The following ZNF233 variants were observed in gnomAD, a reference collection of about 807,000 sequenced individuals.
The protein encoded by ZNF233 is zinc finger protein 233.
In ZNF233, 7 loss-of-function variants were observed where a neutral mutation model predicts 11.6. The observed-to-expected ratio is 0.60, with a 90% confidence interval of 0.34 to 1.13. ZNF233 has a LOEUF of 1.13. ZNF233 is among the 50% of genes most tolerant of loss of function. ZNF233 has a pLI of 0.03. For missense variants in ZNF233, 711 were observed against 785.5 expected, an observed-to-expected ratio of 0.91 and a Z score of 1.13; for synonymous variants, 226 against 268.5, an observed-to-expected ratio of 0.84 and a Z score of 1.55.
chr19:44,270,463 A>T (rs192913053), intron 4 of ZNF233, among the ~76,000 whole-genome samples: 91 of 152,152 alleles, frequency 6.0e-4, no homozygotes, highest in African/African-American at 2.0e-3. Context: ...AGAGGTTGCA[A>T]TGAGCTGATA....
At chr19:44,272,842 C>T in intron 4 of ZNF233, 57 bp from the exon 5 acceptor site, 1 of 1,255,664 alleles carries the variant, frequency 8.0e-7, no homozygotes, top group Non-Finnish European at 1.1e-6. Context: ...TTTTTTATTT[C>T]TGAACAAATG....
intron 4 of ZNF233, chr19:44,267,548 GTT>G (rs34337187): frequency 2.4e-4 from 84 of 354,620 alleles, no homozygotes; most frequent in East Asian, 4.9e-4. Flanking sequence ...ATATATACAT[GTT>G]TTTTTTTTTT....
At position 44,266,047 on chromosome 19, in the gene ZNF233, G is replaced by A; in HGVS notation, c.16-151G>A. 2.8e-6 allele frequency: 2 copies of A among 719,048 alleles called. 1 individual carries two copies. Among genetic ancestry groups the A allele is most frequent in the South Asian group, 5.7e-5 (2 of 34,900 alleles). The allele number at this position is 719,048 out of a possible 1,614,324, so 44.5% of individuals were successfully genotyped here. A position where few individuals can be genotyped will look rare whatever the true frequency, so the allele number is the denominator to read the frequency against. On this transcript the variant is annotated intron_variant, in intron 2 of 4. Transcript: ENST00000683810. ...AGTAGTCTATGAGATTGGCATGTGG[G>A]ATGGAGAAAACGAGGAAGCTACTTA...
At chr19:44,268,192 A>T (rs1168583042) in intron 4 of ZNF233, 2 of 152,126 alleles carry the variant, frequency 1.3e-5, no homozygotes, top group African/African-American at 4.8e-5. Flanking sequence ...ACATTTAATT[A>T]AATTAAATAC....
chr19:44,273,722 C>G lies in ZNF233; in HGVS notation c.1062C>G (p.Asn354Lys). 1.2e-6 allele frequency: 2 copies of G among 1,614,176 alleles called. No homozygotes were observed. Among genetic ancestry groups the G allele is most frequent in the South Asian group, 2.2e-5 (2 of 91,078 alleles). ...TATATGCCCGGAGCTCCAACCAGAA[C>G]TCCTGTCTTCCCTCTCATGAGCTTA... ...CQVYARSSNQNSCLPSHELTH... is the reference protein window; with the variant it reads ...CQVYARSSNQKSCLPSHELTH... Residue 354 changes from asparagine (N) to lysine (K), a missense_variant, in exon 5 of 5, where the codon AAC (asparagine) becomes AAG (lysine). Transcript: ENST00000683810.
intron 4 of ZNF233, 76 bp downstream of exon 4, chr19:44,267,037 G>C (rs187299184): frequency 8.5e-7 from 1 of 1,169,660 alleles, no homozygotes; most frequent in African/African-American, 1.5e-5. Context: ...TCAGCCACCA[G>C]CCTGGCCCAA....
At chr19:44,272,627 C>T (rs1448783148) in intron 4 of ZNF233, among the ~76,000 whole-genome samples, 1 of 151,626 alleles carries the variant, frequency 6.6e-6, no homozygotes, top group African/African-American at 2.4e-5. Context: ...CCCAGCTACT[C>T]GGGAGGCCGA....
At chr19:44,272,327 C>A (rs1599878132) in intron 4 of ZNF233, among the ~76,000 whole-genome samples, 2 of 127,738 alleles carry the variant, frequency 1.6e-5, no homozygotes, top group Non-Finnish European at 3.2e-5. Flanking sequence ...TTACATTGTA[C>A]AACCTGCAGT....
At chr19:44,261,300 C>T (rs1974929851) in intron 1 of ZNF233, among the ~76,000 whole-genome samples, 1 of 151,872 alleles carries the variant, frequency 6.6e-6, no homozygotes, top group South Asian at 2.1e-4. Context: ...ATTAGCCACA[C>T]ACCTGTGGTC....
At chr19:44,264,254 C>A in intron 1 of ZNF233, 60 bp from the exon 2 acceptor site, 2 of 1,152,656 alleles carry the variant, frequency 1.7e-6, no homozygotes, top group Non-Finnish European at 2.6e-6. Context: ...TTTAAAAATT[C>A]AGCCAGCACA....
chr19:44,274,758 C>A lies in ZNF233; in HGVS notation c.*85C>A, dbSNP rs1047474794. On this transcript the variant is annotated 3_prime_UTR_variant, in exon 5 of 5. Coordinates refer to ENST00000683810, the MANE Select transcript of ZNF233 (RefSeq NM_001207005.2). ...TCCCATTTTCCTCAGAAAATCCACA[C>A]AGCACAGAATATTTATAAAATGTCA... 23 of 1,037,958 alleles carry A rather than the reference C, an allele frequency of 2.2e-5. No homozygotes were observed. The highest frequency in any genetic ancestry group is 1.8e-4 in the African/African-American group (11 of 61,160). 64.3% of individuals were successfully genotyped at this position (1,037,958 alleles called of 1,614,324 possible).
intron 4 of ZNF233, among the ~76,000 whole-genome samples, chr19:44,271,713 T>A (rs1012578015): frequency 6.6e-6 from 1 of 151,174 alleles, no homozygotes; most frequent in Non-Finnish European, 1.5e-5. Context: ...GGTTTCACCA[T>A]GTTAGCCAGG....
intron 4 of ZNF233, among the ~76,000 whole-genome samples, chr19:44,272,092 G>A (rs1975250832): frequency 6.6e-6 from 1 of 151,234 alleles, no homozygotes; most frequent in African/African-American, 2.4e-5. Context: ...ATGAGGTGTG[G>A]TGGCATGCAC....
Position 44,273,436 on chromosome 19 carries a change from C to T in ZNF233, c.776C>T (p.Thr259Ile), listed in dbSNP as rs912651514. The T allele has an allele frequency of 1.4e-5, 22 of 1,614,056 alleles. No homozygotes were observed. In the African/African-American group the frequency reaches 2.5e-4, roughly 19 times the overall value. ...QHSIIQSGEQ[T>I]SDENGKGLSV... The stretch of plus-strand genomic sequence containing the variant: ...AGCATAATCCAATCAGGAGAGCAAA[C>T]CTCTGATGAAAATGGAAAAGGCTTA... Residue 259 changes from threonine to isoleucine, a missense_variant, in exon 5 of 5, where the codon ACC becomes ATC. Physicochemically the swap from Thr to Ile is moderately conservative, Grantham distance 89. Transcript: ENST00000683810.
rs146745646 is a variant in ZNF233 at position 44,274,307 on chromosome 19, G to A, written c.1647G>A (p.Ser549=). 1.3e-5 allele frequency: 21 copies of A among 1,612,702 alleles called. No individual in the cohort carries two copies. In the East Asian group the frequency reaches 2.7e-4, roughly 21 times the overall value. ...ETCGKGFSQS[S]HLQDHQQVHT... is the part of the protein sequence containing the mutation. ...GTGGGAAGGGCTTTAGTCAGAGTTCGCATCTCCAAGACCATCAGCAAGTCC... is the reference window on the plus strand; with the variant it reads ...GTGGGAAGGGCTTTAGTCAGAGTTCACATCTCCAAGACCATCAGCAAGTCC... Residue 549 remains serine (S), a synonymous_variant, in exon 5 of 5, where the codon TCG becomes TCA. Coordinates refer to ENST00000683810, the MANE Select transcript of ZNF233 (RefSeq NM_001207005.2).
chr19:44,264,414 C>T, intron 2 of ZNF233, 39 bp downstream of exon 2: 2 of 1,588,828 alleles, frequency 1.3e-6, no homozygotes, highest in South Asian at 2.3e-5. Flanking sequence ...AAAATGACAT[C>T]TCTTTTCCTC....
chr19:44,265,882 A>G (rs1975068330), intron 2 of ZNF233, among the ~76,000 whole-genome samples: 1 of 152,228 alleles, frequency 6.6e-6, no homozygotes. Flanking sequence ...AGTATCAGTC[A>G]AGTTATAAAA....
chr19:44,273,288 T>C lies in ZNF233; in HGVS notation c.628T>C (p.Cys210Arg), dbSNP rs1176676998. Reference protein sequence around the residue: ...QIDVKNKLCKCDHCVRQRIAH... With the variant: ...QIDVKNKLCKRDHCVRQRIAH... The stretch of plus-strand genomic sequence containing the variant: ...TGATGTAAAAAATAAGCTCTGTAAA[T>C]GTGATCATTGTGTTAGGCAAAGAAT... Residue 210 changes from cysteine (C) to arginine (R), a missense_variant, in exon 5 of 5, where the codon TGT becomes CGT. Coordinates refer to ENST00000683810, the MANE Select transcript of ZNF233 (RefSeq NM_001207005.2). 6.2e-7 allele frequency: 1 copy of C among 1,613,972 alleles called. No individual in the cohort carries two copies. Among genetic ancestry groups the C allele is most frequent in the Non-Finnish European group, 8.5e-7 (1 of 1,180,026 alleles).
At chr19:44,261,714 C>T (rs756134184) in intron 1 of ZNF233, among the ~76,000 whole-genome samples, 13 of 146,628 alleles carry the variant, frequency 8.9e-5, no homozygotes, top group South Asian at 4.4e-4. Flanking sequence ...TGCAGTGGCA[C>T]GATCTCAGCT....
Sources: allele counts gnomAD v4.1 joint callset (sites outside exome capture counted in the v4.1 genomes callset), GRCh38; gene constraint gnomAD v4.1.1; transcripts MANE v1.5; gene names NCBI Gene and HGNC (gene_info 2026-07-23, HGNC 2026-07-21).